The following AADAT variants were observed in gnomAD, a reference collection of about 807,000 sequenced individuals.
AADAT encodes kynurenine/alpha-aminoadipate aminotransferase, mitochondrial.
In AADAT, 25 loss-of-function variants were observed where a neutral mutation model predicts 56.2. The ratio of observed to expected loss-of-function variants is 0.44; its 90% CI spans 0.32 to 0.62. The LOEUF is 0.62. Among genes scored for constraint, AADAT ranks in the 20% least tolerant of loss-of-function variants. The pLI is 0.04. For missense variants in AADAT, 387 were observed against 510.5 expected (o/e 0.76, Z 2.33); for synonymous variants, 173 against 164.7 (o/e 1.05, Z -0.39).
At chr4:170,064,674 A>G (rs777535201) in intron 11 of AADAT, 45 bp downstream of exon 11, 12 of 1,441,004 alleles carry the variant, frequency 8.3e-6, no homozygotes, top group African/African-American at 2.9e-5. Context: ...AAGAAAAAGT[A>G]TAACTTTTCC....
rs1732737776 is a variant in AADAT at position 170,089,646 on chromosome 4, G to A, written c.45C>T (p.Asn15=). 1.9e-6 allele frequency: 3 copies of A among 1,614,168 alleles called. No homozygotes were observed. The highest frequency in any genetic ancestry group is 2.5e-6 in the Non-Finnish European group (3 of 1,180,028). The change falls in exon 1 of 13, where the codon AAC becomes AAT. Residue 15 remains asparagine (N), a synonymous_variant. Transcript: ENST00000337664. ...CACTCATGGTCCGGATGGGAGAAGGGTTTCTGGCTGCGCTCGCTGCCGTGA... is the reference window on the plus strand; with the variant it reads ...CACTCATGGTCCGGATGGGAGAAGGATTTCTGGCTGCGCTCGCTGCCGTGA... ...RFITAASAAR[N]PSPIRTMTDI...
upstream of AADAT, among the ~76,000 whole-genome samples, chr4:170,093,158 G>A (rs1021555704): frequency 2.0e-5 from 3 of 152,160 alleles, no homozygotes; most frequent in Admixed American, 1.3e-4. Context: ...GCCAGGAGGT[G>A]TGGTTCACGC....
chr4:170,091,923 C>A (rs1465607833), upstream of AADAT, among the ~76,000 whole-genome samples: 1 of 152,218 alleles, frequency 6.6e-6, no homozygotes, highest in Non-Finnish European at 1.5e-5. Context: ...AATCAACACT[C>A]TGTATCTAGC....
upstream of AADAT, among the ~76,000 whole-genome samples, chr4:170,092,540 C>G (rs1390085418): frequency 6.6e-6 from 1 of 152,198 alleles, no homozygotes; most frequent in African/African-American, 2.4e-5. Flanking sequence ...CGGCTTCGTT[C>G]TTGATGTCAG....
In AADAT at chr4:170,089,700, C is replaced by T. The variant is rs1243714910; in HGVS notation, c.-10G>A. 11 of 1,613,970 alleles carry T rather than the reference C, an allele frequency of 6.8e-6. No homozygotes were observed. Among genetic ancestry groups the T allele is most frequent in the East Asian group, 6.7e-5 (3 of 44,874 alleles). ...ACCGTGCGTAATTCATGTCTTCTGA[C>T]AGCCAAGCATCAAGCTTCTTCTTCA... On this transcript the variant is annotated 5_prime_UTR_variant, in exon 1 of 13. Transcript: ENST00000337664.
upstream of AADAT, among the ~76,000 whole-genome samples, chr4:170,092,339 G>A (rs1732888278): frequency 1.3e-5 from 2 of 152,244 alleles, no homozygotes; most frequent in Admixed American, 1.3e-4. Flanking sequence ...CCCACAGGGA[G>A]GAGTAAACAA....
intron 10 of AADAT, among the ~76,000 whole-genome samples, chr4:170,066,152 T>C (rs1731449118): frequency 6.6e-6 from 1 of 152,180 alleles, no homozygotes; most frequent in Non-Finnish European, 1.5e-5. Context: ...TATTAAGCTT[T>C]AAGTAAGTTA....
upstream of AADAT, among the ~76,000 whole-genome samples, chr4:170,092,432 C>T (rs1732894402): frequency 6.6e-6 from 1 of 152,336 alleles, no homozygotes; most frequent in Non-Finnish European, 1.5e-5. Flanking sequence ...GACCACGAAC[C>T]CACCAGAAGG....
chr4:170,063,470 G>C (rs1009784822), intron 11 of AADAT, among the ~76,000 whole-genome samples: 8 of 152,214 alleles, frequency 5.3e-5, no homozygotes, highest in Admixed American at 3.3e-4. Flanking sequence ...TGACAGAAAA[G>C]AATGTATCAA....
intron 2 of AADAT, 45 bp from the exon 3 acceptor site, chr4:170,087,293 T>C (rs771168172): frequency 5.2e-6 from 8 of 1,545,206 alleles, no homozygotes; most frequent in South Asian, 2.3e-5. Flanking sequence ...GTAAAAATCA[T>C]AGTAACAGTA....
intron 4 of AADAT, among the ~76,000 whole-genome samples, chr4:170,077,299 A>G (rs1732088595): frequency 6.6e-6 from 1 of 152,190 alleles, no homozygotes; most frequent in Non-Finnish European, 1.5e-5. Flanking sequence ...ATATCTTAAC[A>G]ATATTAAGTC....
intron 4 of AADAT, among the ~76,000 whole-genome samples, chr4:170,074,264 T>C (rs909665635): frequency 1.1e-4 from 16 of 152,162 alleles, no homozygotes; most frequent in Admixed American, 8.5e-4. Flanking sequence ...ATGGGTATAC[T>C]GCATGATGCT....
At chr4:170,068,309 T>C (rs1185218346) in intron 8 of AADAT, among the ~76,000 whole-genome samples, 1 of 152,212 alleles carries the variant, frequency 6.6e-6, no homozygotes, top group East Asian at 1.9e-4. Flanking sequence ...CAAACTTTTC[T>C]ATTCTATTCA....
intron 3 of AADAT, among the ~76,000 whole-genome samples, chr4:170,086,447 A>C (rs1732566411): frequency 6.6e-6 from 1 of 152,024 alleles, no homozygotes. Context: ...CAGACATATA[A>C]ATAGATCTAG....
intron 3 of AADAT, among the ~76,000 whole-genome samples, chr4:170,081,759 C>T (rs1205666728): frequency 3.3e-5 from 5 of 152,154 alleles, no homozygotes; most frequent in East Asian, 1.9e-4. Flanking sequence ...AGGCTGGGCT[C>T]GAACTCCTGG....
At chr4:170,083,850 G>A (rs1296170484) in intron 3 of AADAT, among the ~76,000 whole-genome samples, 3 of 152,064 alleles carry the variant, frequency 2.0e-5, no homozygotes, top group Non-Finnish European at 2.9e-5. Flanking sequence ...ACTGAAAATA[G>A]AACTACCATA....
intron 4 of AADAT, among the ~76,000 whole-genome samples, chr4:170,073,610 T>C (rs1165080544): frequency 6.6e-6 from 1 of 151,954 alleles, no homozygotes; most frequent in Non-Finnish European, 1.5e-5. Context: ...GTGATTCTCC[T>C]GCTTTAGCCT....
chr4:170,091,254 G>T (rs1398448220), upstream of AADAT, among the ~76,000 whole-genome samples: 1 of 152,160 alleles, frequency 6.6e-6, no homozygotes, highest in Non-Finnish European at 1.5e-5. Context: ...CGGGAACCAG[G>T]GCTGTGCGGG....
intron 3 of AADAT, among the ~76,000 whole-genome samples, chr4:170,079,983 G>GGGT (rs1732213519): frequency 6.6e-6 from 1 of 152,156 alleles, no homozygotes; most frequent in Non-Finnish European, 1.5e-5. Flanking sequence ...AATAATGGCT[G>GGGT]GGTAGAGGAG....
Sources: allele counts gnomAD v4.1 joint callset (sites outside exome capture counted in the v4.1 genomes callset), GRCh38; gene constraint gnomAD v4.1.1; transcripts MANE v1.5; gene names NCBI Gene and HGNC (gene_info 2026-07-23, HGNC 2026-07-21).